The following TMEM266 variants were observed in gnomAD, a reference collection of about 807,000 sequenced individuals.
TMEM266 encodes transmembrane protein 266, also known as Hv1 related protein 1.
In TMEM266, 33 loss-of-function variants were observed where a neutral mutation model predicts 50.5. The observed-to-expected ratio is 0.65, with a 90% CI of 0.50 to 0.87. TMEM266 has a LOEUF of 0.87. Among genes scored for constraint, TMEM266 ranks in the 40% least tolerant of loss-of-function variants. The pLI is 0.00. For missense variants in TMEM266, 655 were observed against 695.1 expected (o/e 0.94, Z 0.65); for synonymous variants, 310 against 292.3 (o/e 1.06, Z -0.62).
chr15:76,089,674 G>T (rs12443370), intron 1 of TMEM266, among the ~76,000 whole-genome samples: 14 of 152,092 alleles, frequency 9.2e-5, no homozygotes, highest in Non-Finnish European at 1.6e-4. Context: ...ATGGTCGTGC[G>T]TTTTTTGTTT....
chr15:76,137,378 A>G (rs1453749695), intron 2 of TMEM266, among the ~76,000 whole-genome samples: 1 of 152,226 alleles, frequency 6.6e-6, no homozygotes. Context: ...TGAAAGTCTA[A>G]GCCATAGTTT....
In TMEM266 at chr15:76,170,983, C is replaced by T. The variant is rs1391248711; in HGVS notation, c.514-10C>T. On this transcript the variant is annotated splice_polypyrimidine_tract_variant and intron_variant, in intron 6 of 10. Coordinates refer to ENST00000388942, the MANE Select transcript of TMEM266 (RefSeq NM_152335.3). ...GGGCCCAGGGCACTGAAATGGGCCT[C>T]CTCTCACAGGTGTTTGACGGGGCTG... 4 of 1,609,756 alleles carry T rather than the reference C, an allele frequency of 2.5e-6. No individual in the cohort carries two copies. The highest frequency in any genetic ancestry group is 3.4e-6 in the Non-Finnish European group (4 of 1,178,216).
At chr15:76,172,053 C>T (rs2038196684) in intron 7 of TMEM266, among the ~76,000 whole-genome samples, 1 of 152,130 alleles carries the variant, frequency 6.6e-6, no homozygotes, top group African/African-American at 2.4e-5. Context: ...GAGGCCCACC[C>T]CACCTCAGCC....
chr15:76,134,098 AT>A, intron 1 of TMEM266, 69 bp from the exon 2 acceptor site: 1 of 625,028 alleles, frequency 1.6e-6, no homozygotes. Flanking sequence ...AAGGACTCCC[AT>A]TTTTAGATGA....
At chr15:76,147,291 T>A (rs2037770632) in intron 3 of TMEM266, among the ~76,000 whole-genome samples, 1 of 152,230 alleles carries the variant, frequency 6.6e-6, no homozygotes, top group Admixed American at 6.5e-5. Flanking sequence ...CCAACTTCAC[T>A]TAGTAAGGTT....
At chr15:76,152,299 C>T (rs1258684053) in intron 3 of TMEM266, among the ~76,000 whole-genome samples, 2 of 152,202 alleles carry the variant, frequency 1.3e-5, no homozygotes, top group Non-Finnish European at 2.9e-5. Flanking sequence ...CAGACTGGCA[C>T]AGTGGAGGGG....
chr15:76,151,556 C>A (rs1322326919), intron 3 of TMEM266, among the ~76,000 whole-genome samples: 1 of 152,074 alleles, frequency 6.6e-6, no homozygotes, highest in South Asian at 2.1e-4. Context: ...AGCCCAGAAC[C>A]TACCTGAACA....
At position 76,119,493 on chromosome 15, in the gene TMEM266, G is replaced by A. The variant is rs140265804; in HGVS notation, c.-96-14675G>A. Among the ~76,000 whole-genome samples the A allele has an allele frequency of 1.4e-4, 22 of 152,094 alleles. No individual in the cohort carries two copies. In the East Asian group the frequency reaches 4.1e-3, roughly 28 times the overall value. ...AGAAATATTGTGACGGGAGCCGGGC[G>A]CGGTGGCTCAGGCCTGTCATCCCAG... On this transcript the variant is annotated intron_variant, in intron 1 of 10. Coordinates refer to ENST00000388942, the MANE Select transcript of TMEM266 (RefSeq NM_152335.3).
chr15:76,195,160 C>T (rs1340539021), intron 9 of TMEM266, among the ~76,000 whole-genome samples: 1 of 152,174 alleles, frequency 6.6e-6, no homozygotes, highest in African/African-American at 2.4e-5. Flanking sequence ...CCCAGATCTC[C>T]ACACCGTTCC....
intron 5 of TMEM266, among the ~76,000 whole-genome samples, chr15:76,167,473 A>AG (rs1379234421): frequency 7.3e-5 from 11 of 150,980 alleles, no homozygotes; most frequent in Admixed American, 7.2e-4. Flanking sequence ...GTTTCAAAAA[A>AG]AAAAAAAAAA....
intron 8 of TMEM266, chr15:76,191,654 C>G (rs577175274): frequency 3.3e-6 from 1 of 298,580 alleles, no homozygotes; most frequent in Non-Finnish European, 6.2e-6. Context: ...ACCCAGGGCT[C>G]CTGACTCCCC....
chr15:76,080,542 C>A (rs2036676052), intron 1 of TMEM266, among the ~76,000 whole-genome samples: 2 of 151,366 alleles, frequency 1.3e-5, no homozygotes, highest in African/African-American at 4.9e-5. Context: ...AGCCACCGTG[C>A]CCTGCCAAAG....
At chr15:76,180,132 G>T (rs2038375784) in intron 8 of TMEM266, among the ~76,000 whole-genome samples, 1 of 152,164 alleles carries the variant, frequency 6.6e-6, no homozygotes, top group South Asian at 2.1e-4. Context: ...CAGGTGCAGA[G>T]TTCCCTGTAT....
chr15:76,137,749 C>T lies in TMEM266; in HGVS notation c.81C>T (p.Ser27=). ...GAATTTCTGAAGTTGAGATCATCTC[C>T]CAACAAGTAGACGAAGAAACCAAGA... Residue 27 remains serine, a synonymous_variant, in exon 3 of 11, where the codon TCC becomes TCT. Coordinates refer to ENST00000388942, the MANE Select transcript of TMEM266 (RefSeq NM_152335.3). The T allele has an allele frequency of 6.2e-7, 1 of 1,614,194 alleles. No individual in the cohort carries two copies.
At chr15:76,177,386 C>T (rs891182021) in intron 8 of TMEM266, among the ~76,000 whole-genome samples, 1 of 152,232 alleles carries the variant, frequency 6.6e-6, no homozygotes, top group Non-Finnish European at 1.5e-5. Context: ...GGCTCCTCGA[C>T]CAACCCCAGC....
intron 3 of TMEM266, among the ~76,000 whole-genome samples, chr15:76,152,725 T>C (rs565951698): frequency 6.6e-6 from 1 of 152,250 alleles, no homozygotes; most frequent in Non-Finnish European, 1.5e-5. Flanking sequence ...CTGACCACCA[T>C]ATTTAAAATG....
chr15:76,180,336 C>G (rs978109566), intron 8 of TMEM266, among the ~76,000 whole-genome samples: 2 of 152,124 alleles, frequency 1.3e-5, no homozygotes, highest in Non-Finnish European at 2.9e-5. Context: ...TTCTGATGAC[C>G]TGAAGGGTTT....
rs1259012618 is a variant in TMEM266 at position 76,192,014 on chromosome 15, A to C, written c.815A>C (p.Asp272Ala). ...GCGCACCTGGCGCAGCAGGACCTGG[A>C]CCTGGCTGCCGAGCGCGAAGCGGCG... Residue 272 changes from aspartate to alanine, a missense_variant, in exon 9 of 11, where the codon GAC (aspartate) becomes GCC (alanine). Asp to Ala is a moderately radical substitution (Grantham distance 126). Coordinates refer to ENST00000388942, the MANE Select transcript of TMEM266 (RefSeq NM_152335.3). 6.3e-7 allele frequency: 1 copy of C among 1,577,876 alleles called. No individual in the cohort carries two copies.
At chr15:76,126,807 G>C (rs565292849) in intron 1 of TMEM266, among the ~76,000 whole-genome samples, 1 of 152,274 alleles carries the variant, frequency 6.6e-6, no homozygotes, top group African/African-American at 2.4e-5. Context: ...GGGATTACAG[G>C]CGTGAGCCAC....
Sources: allele counts gnomAD v4.1 joint callset (sites outside exome capture counted in the v4.1 genomes callset), GRCh38; gene constraint gnomAD v4.1.1; transcripts MANE v1.5; gene names NCBI Gene and HGNC (gene_info 2026-07-23, HGNC 2026-07-21).